BMPR1B: variants seen among roughly 807,000 people sequenced by gnomAD.
BMPR1B encodes bone morphogenetic protein receptor type 1B, also known as bone morphogenetic protein receptor type-1B.
BMPR1B carries 12 observed loss-of-function variants against 59.1 expected under a neutral mutation model. The observed-to-expected ratio is 0.20, with a 90% confidence interval of 0.13 to 0.33. BMPR1B has a LOEUF of 0.33. BMPR1B is among the 10% of genes least tolerant of loss of function. The pLI, the probability that BMPR1B is intolerant of heterozygous loss-of-function variation, is 1.00. For missense variants in BMPR1B, 550 were observed against 610.9 expected (o/e 0.90, Z 1.05); for synonymous variants, 237 against 207.3 (o/e 1.14, Z -1.23).
intron 2 of BMPR1B, among the ~76,000 whole-genome samples, chr4:94,986,180 G>A (rs1189039610): frequency 6.6e-6 from 1 of 152,012 alleles, no homozygotes; most frequent in Non-Finnish European, 1.5e-5. Context: ...CATGCTATTT[G>A]TTAACATTAT....
At chr4:94,964,086 T>C (rs1049031017) in intron 2 of BMPR1B, among the ~76,000 whole-genome samples, 9 of 152,144 alleles carry the variant, frequency 5.9e-5, no homozygotes, top group Non-Finnish European at 1.3e-4. Flanking sequence ...TATCTGTAGC[T>C]ATTGTAAATT....
intron 2 of BMPR1B, among the ~76,000 whole-genome samples, chr4:94,973,946 C>T (rs1036977591): frequency 6.6e-6 from 1 of 152,138 alleles, no homozygotes; most frequent in African/African-American, 2.4e-5. Context: ...AAAGTGGTTA[C>T]AATGTCGACA....
At chr4:95,029,861 G>T (rs1560605287) in intron 3 of BMPR1B, among the ~76,000 whole-genome samples, 1 of 152,156 alleles carries the variant, frequency 6.6e-6, no homozygotes. Context: ...TTCTCTTAAG[G>T]CCTAGTGATG....
chr4:95,034,263 G>A (rs1725073343), intron 3 of BMPR1B, among the ~76,000 whole-genome samples: 1 of 151,980 alleles, frequency 6.6e-6, no homozygotes, highest in African/African-American at 2.4e-5. Flanking sequence ...AGGTATATAT[G>A]TTTATTGGAT....
intron 2 of BMPR1B, among the ~76,000 whole-genome samples, chr4:94,952,336 T>C (rs970884652): frequency 6.6e-6 from 1 of 152,212 alleles, no homozygotes; most frequent in African/African-American, 2.4e-5. Context: ...TCTCTAATTC[T>C]TTTAATTGTG....
intron 2 of BMPR1B, among the ~76,000 whole-genome samples, chr4:94,896,585 A>G (rs1398053925): frequency 1.3e-5 from 2 of 152,070 alleles, no homozygotes. Context: ...AATATAAAAT[A>G]CCTATGAATT....
At chr4:95,049,864 A>G (rs1389752088) in intron 3 of BMPR1B, among the ~76,000 whole-genome samples, 1 of 152,046 alleles carries the variant, frequency 6.6e-6, no homozygotes, top group South Asian at 2.1e-4. Context: ...TGAGGAACCA[A>G]ATCAGCTTGC....
At chr4:94,994,149 A>G (rs530537644) in intron 2 of BMPR1B, among the ~76,000 whole-genome samples, 24 of 152,222 alleles carry the variant, frequency 1.6e-4, no homozygotes, top group Non-Finnish European at 3.4e-4. Context: ...TCTGTGAATA[A>G]AGGCAGTTAA....
At chr4:94,891,696 G>C (rs959984742) in intron 2 of BMPR1B, among the ~76,000 whole-genome samples, 12 of 152,054 alleles carry the variant, frequency 7.9e-5, no homozygotes, top group African/African-American at 2.9e-4. Flanking sequence ...CATAGGGATT[G>C]TATGACTCCT....
intron 2 of BMPR1B, among the ~76,000 whole-genome samples, chr4:94,968,162 C>A (rs1169565600): frequency 1.3e-5 from 2 of 152,084 alleles, no homozygotes; most frequent in Non-Finnish European, 2.9e-5. Flanking sequence ...ACAATACTTT[C>A]CTTGGTATGT....
At chr4:95,110,344 TAAAC>T (rs1449387375) in intron 4 of BMPR1B, among the ~76,000 whole-genome samples, 2 of 151,788 alleles carry the variant, frequency 1.3e-5, no homozygotes, top group Non-Finnish European at 2.9e-5. Context: ...ATAGAAAAAA[TAAAC>T]AAAATGCTAA....
Position 95,152,815 on chromosome 4 carries a change from A to G in BMPR1B, c.1383+42A>G. ...CCATGTGGCTGTGACAGACTTCTAA[A>G]TAGACTTTTCTTTTTTAGCTAAAAT... On this transcript the variant is annotated intron_variant, in intron 12 of 12. Coordinates refer to ENST00000515059, the MANE Select transcript of BMPR1B (RefSeq NM_001203.3). The G allele has an allele frequency of 6.2e-6, 10 of 1,603,340 alleles. 1 individual carries two copies. The highest frequency in any genetic ancestry group is 2.2e-5 in the South Asian group (2 of 88,918).
intron 2 of BMPR1B, among the ~76,000 whole-genome samples, chr4:94,992,352 T>C (rs1560584109): frequency 6.6e-6 from 1 of 152,210 alleles, no homozygotes; most frequent in Non-Finnish European, 1.5e-5. Context: ...TTTAATCCAC[T>C]ACCTTGCCTG....
At position 94,933,938 on chromosome 4, in the gene BMPR1B, C is replaced by T. The variant is rs539203785; in HGVS notation, c.-113+58038C>T. 4.6e-5 allele frequency among the ~76,000 whole-genome samples: 7 copies of T among 152,198 alleles called. No homozygotes were observed. In the South Asian group the frequency reaches 6.2e-4, roughly 14 times the overall value. ...ATGCCTACACAGTACATAGGTATTC[C>T]GTTGCGTTGTATGACAGTCAACAAA... On this transcript the variant is annotated intron_variant, in intron 2 of 12. Transcript: ENST00000515059.
intron 1 of BMPR1B, among the ~76,000 whole-genome samples, chr4:94,764,419 A>G (rs1234176362): frequency 6.6e-6 from 1 of 152,186 alleles, no homozygotes; most frequent in East Asian, 1.9e-4. Context: ...AGATTCTGGT[A>G]ATCTCGAATA....
intron 3 of BMPR1B, among the ~76,000 whole-genome samples, chr4:95,093,818 A>G (rs1321750095): frequency 2.0e-5 from 3 of 152,090 alleles, no homozygotes; most frequent in Non-Finnish European, 4.4e-5. Context: ...CCTGGTTTCT[A>G]GAAAGAGCCA....
rs192263698 is a variant in BMPR1B, at chr4:94,773,962, A to G, written c.-183+15894A>G. Among the ~76,000 whole-genome samples the G allele has an allele frequency of 2.1e-3, 315 of 152,162 alleles. 4 individuals are homozygous for G. The highest frequency in any genetic ancestry group is 7.3e-3 in the African/African-American group (304 of 41,548). ...TAGTCACACTGTTCTGTGATTGTTTAAATGTTAAGATTTCTTGAAAATGTC... is the reference window on the plus strand; with the variant it reads ...TAGTCACACTGTTCTGTGATTGTTTGAATGTTAAGATTTCTTGAAAATGTC... On this transcript the variant is annotated intron_variant, in intron 1 of 12. Coordinates refer to ENST00000515059, the MANE Select transcript of BMPR1B (RefSeq NM_001203.3).
intron 10 of BMPR1B, among the ~76,000 whole-genome samples, chr4:95,135,925 A>G (rs1443818381): frequency 6.6e-6 from 1 of 152,192 alleles, no homozygotes; most frequent in African/African-American, 2.4e-5. Context: ...GAGAGAGGGC[A>G]TCCCTGTCTA....
intron 3 of BMPR1B, among the ~76,000 whole-genome samples, chr4:95,083,207 A>G (rs1225807300): frequency 6.6e-6 from 1 of 152,104 alleles, no homozygotes; most frequent in Non-Finnish European, 1.5e-5. Context: ...TAACATAATC[A>G]TCTCATTCCT....
Sources: gnomAD v4.1 joint callset for allele counts (sites outside exome capture counted in the v4.1 genomes callset) on GRCh38, gnomAD v4.1.1 for gene constraint, MANE v1.5 for transcripts, NCBI Gene and HGNC (gene_info 2026-07-23, HGNC 2026-07-21) for gene names.